SEC11A: variants seen among roughly 807,000 people sequenced by gnomAD.
The protein encoded by SEC11A is SEC11 homolog A, signal peptidase complex subunit, also known as signal peptidase complex catalytic subunit SEC11A.
Under a neutral mutation model 25.6 loss-of-function variants are expected in SEC11A, and 14 were observed. That is an observed-to-expected ratio of 0.55 (90% CI 0.36 to 0.85). The LOEUF (loss-of-function observed/expected upper bound fraction) is 0.85. Ranked by LOEUF, SEC11A falls within the 40% of genes least tolerant of loss-of-function variation. The pLI, the probability that SEC11A is intolerant of heterozygous loss-of-function variation, is 0.01. For missense variants in SEC11A, 153 were observed against 222.9 expected (o/e 0.69, Z 2.00); for synonymous variants, 83 against 76.4 (o/e 1.09, Z -0.45).
chr15:84,703,221 A>C (rs1432849863), intron 1 of SEC11A, among the ~76,000 whole-genome samples: 1 of 152,220 alleles, frequency 6.6e-6, no homozygotes, highest in Non-Finnish European at 1.5e-5. Context: ...GGGCCAAGTT[A>C]CCATGTGACC....
At chr15:84,705,959 T>A (rs1392448565) in intron 1 of SEC11A, among the ~76,000 whole-genome samples, 1 of 151,762 alleles carries the variant, frequency 6.6e-6, no homozygotes, top group East Asian at 2.0e-4. Flanking sequence ...TCACCCAGGC[T>A]GGAGTGCAGT....
chr15:84,680,795 T>G lies in SEC11A; in HGVS notation c.349A>C (p.Asn117His), dbSNP rs1292017049. ...AGGCCTCGGTCATCAACCGCATTATTATCTCCTTTGGTCAAAAACTTGATA... is the reference window on the plus strand; with the variant it reads ...AGGCCTCGGTCATCAACCGCATTATGATCTCCTTTGGTCAAAAACTTGATA... ...GHIKFLTKGDNNAVDDRGLYK... is the reference protein window; with the variant it reads ...GHIKFLTKGDHNAVDDRGLYK... Residue 117 changes from asparagine (N) to histidine (H), a missense_variant, in exon 4 of 6, where the codon AAT (asparagine) becomes CAT (histidine). Coordinates refer to ENST00000268220, the MANE Select transcript of SEC11A (RefSeq NM_014300.4). The G allele has an allele frequency of 6.2e-7, 1 of 1,611,862 alleles. No individual in the cohort carries two copies. The highest frequency in any genetic ancestry group is 2.2e-5 in the East Asian group (1 of 44,870).
At chr15:84,686,147 T>C (rs1897415806) in intron 3 of SEC11A, among the ~76,000 whole-genome samples, 1 of 152,154 alleles carries the variant, frequency 6.6e-6, no homozygotes, top group Admixed American at 6.6e-5. Context: ...CAGTCAATAA[T>C]ATAATGTCAC....
At chr15:84,670,582 G>T in intron 5 of SEC11A, 143 bp downstream of exon 5, 1 of 454,586 alleles carries the variant, frequency 2.2e-6, no homozygotes, top group Non-Finnish European at 4.0e-6. Flanking sequence ...GTTTCGCTAT[G>T]TTGCCCAGGC....
intron 4 of SEC11A, 72 bp downstream of exon 4, chr15:84,680,641 T>A (rs1897263209): frequency 4.2e-6 from 6 of 1,415,058 alleles, no homozygotes; most frequent in African/African-American, 1.4e-5. Flanking sequence ...CTGTGTATGA[T>A]CAAATAATAT....
At chr15:84,699,208 G>A (rs371511042) in intron 1 of SEC11A, among the ~76,000 whole-genome samples, 3 of 151,780 alleles carry the variant, frequency 2.0e-5, no homozygotes, top group Middle Eastern at 3.4e-3. Flanking sequence ...CCAGCTGCTC[G>A]GGAGGTTGAG....
chr15:84,716,033 T>C lies in SEC11A; in HGVS notation c.43A>G (p.Lys15Glu). 1 of 1,613,656 alleles carries C rather than the reference T, an allele frequency of 6.2e-7. No homozygotes were observed. Among genetic ancestry groups the C allele is most frequent in the Non-Finnish European group, 8.5e-7 (1 of 1,179,744 alleles). Residue 15 changes from lysine (K) to glutamate (E), a missense_variant, in exon 1 of 6, where the codon AAG becomes GAG. Coordinates refer to ENST00000268220, the MANE Select transcript of SEC11A (RefSeq NM_014300.4). Reference sequence around the variant, plus strand: ...AGGACGGACAAGCTCACCTGCCGCTTGTTCATCCGCCGCACATCGTCCAAA... The same window carrying C: ...AGGACGGACAAGCTCACCTGCCGCTCGTTCATCCGCCGCACATCGTCCAAA... ...DFLDDVRRMNKRQLYYQVLNF... is the reference protein window; with the variant it reads ...DFLDDVRRMNERQLYYQVLNF...
Position 84,670,756 on chromosome 15 carries a change from G to T in SEC11A, c.458C>A (p.Thr153Lys). 6.9e-7 allele frequency: 1 copy of T among 1,458,082 alleles called. No individual in the cohort carries two copies. The highest frequency in any genetic ancestry group is 9.4e-7 in the Non-Finnish European group (1 of 1,066,316). 90.3% of individuals were successfully genotyped at this position (1,458,082 alleles called of 1,614,324 possible). A position where few individuals can be genotyped will look rare whatever the true frequency, so the allele number is the denominator to read the frequency against. Residue 153 changes from threonine to lysine, a missense_variant, in exon 5 of 6, where the codon ACG (threonine) becomes AAG (lysine). Coordinates refer to ENST00000268220, the MANE Select transcript of SEC11A (RefSeq NM_014300.4). ...RGFVPYIGIVTILMNDYPKFK... is the reference protein window; with the variant it reads ...RGFVPYIGIVKILMNDYPKFK... ...TTTAGGATAGTCATTCATGAGGATC[G>T]TCACAATTCCAATATAAGGAACAAA... is the stretch of plus-strand genomic sequence containing the variant.
At chr15:84,681,053 A>G (rs1348075708) in intron 3 of SEC11A, among the ~76,000 whole-genome samples, 1 of 152,244 alleles carries the variant, frequency 6.6e-6, no homozygotes, top group Non-Finnish European at 1.5e-5. Flanking sequence ...CTCAAATATT[A>G]TGTAAACATT....
intron 2 of SEC11A, among the ~76,000 whole-genome samples, chr15:84,689,457 G>A (rs906123712): frequency 6.6e-6 from 1 of 151,790 alleles, no homozygotes. Flanking sequence ...TATTACTTAG[G>A]TTCTAGATAA....
chr15:84,670,948 A>G (rs1689027023), intron 4 of SEC11A, 166 bp from the exon 5 acceptor site: 1 of 434,768 alleles, frequency 2.3e-6, no homozygotes, highest in Admixed American at 4.4e-5. Flanking sequence ...AGTGATAGGA[A>G]AGTTAGGAAT....
intron 4 of SEC11A, among the ~76,000 whole-genome samples, chr15:84,679,504 C>T (rs781705752): frequency 6.6e-6 from 1 of 152,220 alleles, no homozygotes; most frequent in South Asian, 2.1e-4. Context: ...TCTATGGGAA[C>T]TGCGTATCTC....
chr15:84,704,267 C>A (rs1898032380), intron 1 of SEC11A, among the ~76,000 whole-genome samples: 2 of 152,194 alleles, frequency 1.3e-5, no homozygotes, highest in Non-Finnish European at 2.9e-5. Context: ...GTATCCCATA[C>A]AACATTGCTT....
intron 3 of SEC11A, among the ~76,000 whole-genome samples, chr15:84,687,267 G>GC (rs906560386): frequency 6.6e-6 from 1 of 152,078 alleles, no homozygotes; most frequent in African/African-American, 2.4e-5. Context: ...TCTCACCTTG[G>GC]CCTCCCAAAG....
intron 4 of SEC11A, among the ~76,000 whole-genome samples, chr15:84,676,965 C>T (rs947649338): frequency 2.0e-5 from 3 of 151,698 alleles, no homozygotes; most frequent in Non-Finnish European, 2.9e-5. Flanking sequence ...ATAGCATGCA[C>T]CTGTGATCCT....
At chr15:84,686,501 C>T (rs1382367989) in intron 3 of SEC11A, 1 of 152,268 alleles carries the variant, frequency 6.6e-6, no homozygotes, top group Non-Finnish European at 1.5e-5. Flanking sequence ...ATCCCAGCTA[C>T]TCAGAAGGCT....
At chr15:84,712,873 G>A (rs1384089049) in intron 1 of SEC11A, among the ~76,000 whole-genome samples, 3 of 152,004 alleles carry the variant, frequency 2.0e-5, no homozygotes, top group Non-Finnish European at 4.4e-5. Context: ...TGATATATAC[G>A]TTCTATATCT....
intron 2 of SEC11A, among the ~76,000 whole-genome samples, chr15:84,688,396 A>G (rs577913254): frequency 6.6e-6 from 1 of 152,350 alleles, no homozygotes; most frequent in Admixed American, 6.5e-5. Context: ...AAAAGATTCA[A>G]TTCCATGGTA....
intron 1 of SEC11A, among the ~76,000 whole-genome samples, chr15:84,694,152 G>T (rs1381200892): frequency 6.6e-6 from 1 of 151,692 alleles, no homozygotes; most frequent in African/African-American, 2.4e-5. Flanking sequence ...GCCAGAAGTA[G>T]GAGACCAGCC....
Sources: allele counts gnomAD v4.1 joint callset (sites outside exome capture counted in the v4.1 genomes callset), GRCh38; gene constraint gnomAD v4.1.1; transcripts MANE v1.5; gene names NCBI Gene and HGNC (gene_info 2026-07-23, HGNC 2026-07-21).